ADA: variants seen among roughly 807,000 people sequenced by gnomAD.
The protein encoded by ADA is adenosine deaminase.
A neutral mutation model predicts 49.0 loss-of-function variants in ADA; 45 were observed. The observed-to-expected ratio is 0.92, with a 90% confidence interval of 0.72 to 1.18. The LOEUF (loss-of-function observed/expected upper bound fraction) is 1.18, where lower values mean the gene tolerates loss of function less well. ADA is among the 50% of genes most tolerant of loss of function. The pLI is 0.00. For missense variants in ADA, 445 were observed against 472.5 expected (o/e 0.94, Z 0.54); for synonymous variants, 173 against 184.2 (o/e 0.94, Z 0.49).
At position 44,636,275 on chromosome 20, in the gene ADA, A is replaced by G. The variant is rs1330122216; in HGVS notation, c.47T>C (p.Val16Ala). Reference protein sequence around the residue: ...AFDKPKVELHVHLDGSIKPET... With the variant: ...AFDKPKVELHAHLDGSIKPET... ...AGGCTTGATGGATCCGTCTAGGTGG[A>G]CATGCAGTTCCACCTGCAAGGGGGC... The change falls in exon 2 of 12, where the codon GTC becomes GCC. Residue 16 changes from valine to alanine, a missense_variant. Coordinates refer to ENST00000372874, the MANE Select transcript of ADA (RefSeq NM_000022.4). 6.2e-7 allele frequency: 1 copy of G among 1,608,730 alleles called. No homozygotes were observed. Among genetic ancestry groups the G allele is most frequent in the Non-Finnish European group, 8.5e-7 (1 of 1,177,132 alleles).
In ADA at chr20:44,619,765, T is replaced by C; in HGVS notation, c.*69A>G. On this transcript the variant is annotated 3_prime_UTR_variant, in exon 12 of 12. Coordinates refer to ENST00000372874, the MANE Select transcript of ADA (RefSeq NM_000022.4). The stretch of plus-strand genomic sequence containing the variant: ...ATGGTCTTCTTGGAAGGAATAAATG[T>C]AAAAATGTTGCTCAGCCCCACAGAG... 1.3e-6 allele frequency: 2 copies of C among 1,593,194 alleles called. No individual in the cohort carries two copies. The highest frequency in any genetic ancestry group is 1.7e-6 in the Non-Finnish European group (2 of 1,161,380).
intron 1 of ADA, among the ~76,000 whole-genome samples, chr20:44,644,030 A>T (rs2065564207): frequency 6.6e-6 from 1 of 151,566 alleles, no homozygotes; most frequent in Non-Finnish European, 1.5e-5. Flanking sequence ...ATACTCCCAG[A>T]TCTGACTCAT....
intron 1 of ADA, among the ~76,000 whole-genome samples, chr20:44,649,981 C>G (rs976786446): frequency 2.0e-5 from 3 of 152,012 alleles, no homozygotes; most frequent in African/African-American, 7.3e-5. Context: ...ATGATCCACC[C>G]ACCTTTGCCT....
intron 1 of ADA, among the ~76,000 whole-genome samples, chr20:44,637,664 C>T (rs2065492834): frequency 6.6e-6 from 1 of 152,184 alleles, no homozygotes; most frequent in Admixed American, 6.5e-5. Context: ...TCTAGGAGCA[C>T]ATACATGAGC....
intron 9 of ADA, 123 bp from the exon 10 acceptor site, chr20:44,621,270 TCC>T: frequency 3.9e-6 from 5 of 1,289,568 alleles, no homozygotes; most frequent in Non-Finnish European, 4.4e-6. Context: ...AAAGATCTGA[TCC>T]TTGTGCAGAG....
intron 1 of ADA, among the ~76,000 whole-genome samples, chr20:44,642,440 G>C (rs768326563): frequency 6.6e-6 from 1 of 152,210 alleles, no homozygotes. Flanking sequence ...GTTGGGAAAA[G>C]ATCACTTAAA....
intron 6 of ADA, 127 bp from the exon 7 acceptor site, chr20:44,623,205 G>C (rs2065350111): frequency 7.2e-7 from 1 of 1,386,094 alleles, no homozygotes; most frequent in African/African-American, 1.4e-5. Flanking sequence ...GGGGAAACCT[G>C]GTCTTTTACC....
chr20:44,629,278 G>A, intron 2 of ADA, 109 bp from the exon 3 acceptor site: 1 of 1,502,854 alleles, frequency 6.7e-7, no homozygotes, highest in South Asian at 1.2e-5. Context: ...CAGGACCACA[G>A]CAGGAGACAT....
chr20:44,644,366 A>C (rs894959058), intron 1 of ADA, among the ~76,000 whole-genome samples: 11 of 151,916 alleles, frequency 7.2e-5, no homozygotes, highest in African/African-American at 2.7e-4. Context: ...GTGTTCAATG[A>C]CCACACCGTT....
chr20:44,636,381 A>G, intron 1 of ADA, 93 bp from the exon 2 acceptor site: 1 of 1,103,224 alleles, frequency 9.1e-7, no homozygotes, highest in Non-Finnish European at 1.3e-6. Flanking sequence ...TAATGTTAAC[A>G]TTAATCATGA....
chr20:44,635,095 T>G (rs1325531874), intron 2 of ADA, among the ~76,000 whole-genome samples: 40 of 152,194 alleles, frequency 2.6e-4, no homozygotes, highest in Admixed American at 2.6e-3. Flanking sequence ...TATGTCCAAA[T>G]TTGAATCCAG....
intron 2 of ADA, among the ~76,000 whole-genome samples, chr20:44,631,899 C>A (rs2065436960): frequency 1.3e-5 from 2 of 152,180 alleles, no homozygotes; most frequent in African/African-American, 4.8e-5. Context: ...CGCCACCTTT[C>A]CCCTCCCTCT....
intron 2 of ADA, among the ~76,000 whole-genome samples, chr20:44,633,594 G>A (rs749986108): frequency 6.6e-5 from 10 of 152,200 alleles, no homozygotes; most frequent in South Asian, 2.1e-4. Context: ...TGCAGGGCCC[G>A]TAGAGAGGAA....
At chr20:44,624,616 A>G (rs1322301628) in intron 5 of ADA, among the ~76,000 whole-genome samples, 1 of 152,218 alleles carries the variant, frequency 6.6e-6, no homozygotes, top group Admixed American at 6.5e-5. Context: ...ACGGGGCCTG[A>G]GCTCAGTAAA....
chr20:44,648,779 G>A (rs139836811), intron 1 of ADA, among the ~76,000 whole-genome samples: 17 of 152,164 alleles, frequency 1.1e-4, no homozygotes, highest in African/African-American at 3.6e-4. Context: ...TTCCTGGATC[G>A]TTGACATTAG....
At chr20:44,627,355 G>A (rs2065392779) in intron 3 of ADA, among the ~76,000 whole-genome samples, 1 of 152,038 alleles carries the variant, frequency 6.6e-6, no homozygotes, top group African/African-American at 2.4e-5. Flanking sequence ...CTAATTTTTT[G>A]TATTTTTAGT....
At chr20:44,643,949 T>A (rs1345202583) in intron 1 of ADA, among the ~76,000 whole-genome samples, 2 of 151,744 alleles carry the variant, frequency 1.3e-5, no homozygotes, top group East Asian at 3.9e-4. Context: ...GTGGGTTCAC[T>A]TACCCAAGGT....
chr20:44,639,870 T>C (rs2065515653), intron 1 of ADA, among the ~76,000 whole-genome samples: 1 of 151,286 alleles, frequency 6.6e-6, no homozygotes, highest in African/African-American at 2.4e-5. Flanking sequence ...AGGGAGAAAA[T>C]ATCAAGGGAG....
chr20:44,642,666 C>T (rs766843378), intron 1 of ADA, among the ~76,000 whole-genome samples: 12 of 152,120 alleles, frequency 7.9e-5, no homozygotes, highest in Admixed American at 2.0e-4. Flanking sequence ...TGTGTTAAAT[C>T]GGAGAGTCCC....
Sources: allele counts gnomAD v4.1 joint callset (sites outside exome capture counted in the v4.1 genomes callset), GRCh38; gene constraint gnomAD v4.1.1; transcripts MANE v1.5; gene names NCBI Gene and HGNC (gene_info 2026-07-23, HGNC 2026-07-21).